Variants in ATP10B observed in about 807,000 individuals in gnomAD.
ATP10B encodes ATPase phospholipid transporting 10B (putative).
In ATP10B, 122 loss-of-function variants were observed where a neutral mutation model predicts 141.2. The ratio of observed to expected loss-of-function variants is 0.86; its 90% CI spans 0.75 to 1.00. The LOEUF is 1.00. Ranked by LOEUF, ATP10B falls within the 50% of genes least tolerant of loss-of-function variation. The probability of loss-of-function intolerance (pLI) is 0.00; values close to 1 mark genes in which losing one functional copy is unlikely to be tolerated. For missense variants in ATP10B, 1,876 were observed against 1,825.3 expected, an observed-to-expected ratio of 1.03 and a Z score of -0.51; for synonymous variants, 685 against 692.0, an observed-to-expected ratio of 0.99 and a Z score of 0.16.
chr5:160,571,638 T>A (rs1754882516), intron 24 of ATP10B, among the ~76,000 whole-genome samples: 1 of 152,210 alleles, frequency 6.6e-6, no homozygotes, highest in South Asian at 2.1e-4. Flanking sequence ...AGGCTTAGAA[T>A]AAAGGTAACT....
At chr5:160,828,158 T>C (rs1200938466) in intron 1 of ATP10B, among the ~76,000 whole-genome samples, 1 of 152,116 alleles carries the variant, frequency 6.6e-6, no homozygotes, top group Non-Finnish European at 1.5e-5. Context: ...GGGCAAGGAC[T>C]TCATGTCTAA....
chr5:160,753,161 C>T (rs1481695068), intron 2 of ATP10B, among the ~76,000 whole-genome samples: 6 of 152,204 alleles, frequency 3.9e-5, no homozygotes, highest in African/African-American at 1.4e-4. Flanking sequence ...AAGGAAAAGT[C>T]AAAGGATGGC....
At chr5:160,662,434 G>T (rs1167323892) in intron 7 of ATP10B, among the ~76,000 whole-genome samples, 2 of 152,172 alleles carry the variant, frequency 1.3e-5, no homozygotes, top group East Asian at 1.9e-4. Context: ...CACGGTACTG[G>T]TACCAAAACA....
At chr5:160,733,958 G>A (rs1394791852) in intron 2 of ATP10B, among the ~76,000 whole-genome samples, 2 of 151,064 alleles carry the variant, frequency 1.3e-5, no homozygotes, top group Non-Finnish European at 3.0e-5. Flanking sequence ...ACAAAAATTA[G>A]ATGGGCACCA....
intron 6 of ATP10B, among the ~76,000 whole-genome samples, chr5:160,681,539 T>C (rs1763400578): frequency 6.6e-6 from 1 of 152,098 alleles, no homozygotes; most frequent in Non-Finnish European, 1.5e-5. Context: ...TCCCACCTAC[T>C]TGGGAGTTTG....
At chr5:160,696,987 A>C (rs1452387663) in intron 3 of ATP10B, among the ~76,000 whole-genome samples, 1 of 152,240 alleles carries the variant, frequency 6.6e-6, no homozygotes. Context: ...TAAGGGGAAT[A>C]GAGTGATTTC....
chr5:160,783,588 CACACACACAT>C lies in ATP10B; in HGVS notation c.-331+1961_-331+1970del, dbSNP rs1412631857. 2.4e-3 allele frequency among the ~76,000 whole-genome samples: 317 copies of C among 131,014 alleles called. 2 individuals are homozygous for C. Among genetic ancestry groups the C allele is most frequent in the Middle Eastern group, 8.1e-3 (2 of 248 alleles). The allele number at this position is 131,014 out of a possible 152,430, so 86.0% of individuals were successfully genotyped here. On this transcript the variant is annotated intron_variant, in intron 2 of 25. Transcript: ENST00000327245. Reference sequence around the variant, plus strand: ...ACACACACACACACACACACACACACACACACACATACACACACACACCACAGTTTCTTCA... The same window carrying C: ...ACACACACACACACACACACACACACACACACACACACCACAGTTTCTTCA...
intron 1 of ATP10B, among the ~76,000 whole-genome samples, chr5:160,825,121 C>G (rs1250540754): frequency 6.6e-6 from 1 of 152,184 alleles, no homozygotes; most frequent in Non-Finnish European, 1.5e-5. Context: ...CTACCCCACT[C>G]TGCTGTGAGC....
chr5:160,900,631 G>C, the ATP10B span, among the ~76,000 whole-genome samples: 1 of 152,156 alleles, frequency 6.6e-6, no homozygotes, highest in Non-Finnish European at 1.5e-5. Context: ...ATTTAATGTA[G>C]AAGTGCATTA....
intron 18 of ATP10B, among the ~76,000 whole-genome samples, chr5:160,611,327 G>T (rs1378231035): frequency 6.6e-6 from 1 of 152,114 alleles, no homozygotes; most frequent in Admixed American, 6.5e-5. Flanking sequence ...CCTCTGGCTG[G>T]CTGCCTCACT....
At chr5:160,806,608 A>C (rs894295823) in intron 1 of ATP10B, among the ~76,000 whole-genome samples, 2 of 152,190 alleles carry the variant, frequency 1.3e-5, no homozygotes, top group African/African-American at 2.4e-5. Context: ...GATAATGATG[A>C]TAGGAACAAC....
At chr5:160,689,818 G>C (rs567226188) in intron 3 of ATP10B, among the ~76,000 whole-genome samples, 2 of 152,186 alleles carry the variant, frequency 1.3e-5, no homozygotes, top group African/African-American at 4.8e-5. Context: ...TACCCATCAA[G>C]CTACCATTGA....
At chr5:160,623,721 C>T (rs1204660740) in intron 13 of ATP10B, among the ~76,000 whole-genome samples, 1 of 152,132 alleles carries the variant, frequency 6.6e-6, no homozygotes, top group African/African-American at 2.4e-5. Flanking sequence ...TATTTTACCC[C>T]AGGGATCTGA....
chr5:160,602,637 A>G lies in ATP10B; in HGVS notation c.3303T>C (p.His1101=). ...CCAGGCGCGAGTAACACCAGTGGCC[A>G]TGCACGAGCAGCAACTTCTTGAGAT... ...FKHLKKLLLV[H]GHWCYSRLAR... The change falls in exon 21 of 26, where the codon CAT becomes CAC. Residue 1101 remains histidine, a synonymous_variant. Transcript: ENST00000327245. 6.2e-7 allele frequency: 1 copy of G among 1,614,082 alleles called. No individual in the cohort carries two copies. The highest frequency in any genetic ancestry group is 8.5e-7 in the Non-Finnish European group (1 of 1,179,956).
At chr5:160,595,994 A>G (rs1351249621) in intron 22 of ATP10B, among the ~76,000 whole-genome samples, 2 of 152,112 alleles carry the variant, frequency 1.3e-5, no homozygotes, top group East Asian at 3.9e-4. Context: ...TCCTTCTGAA[A>G]CTATTCCAAT....
intron 2 of ATP10B, among the ~76,000 whole-genome samples, chr5:160,769,263 T>A (rs4352637): frequency 1.3e-4 from 20 of 152,248 alleles, no homozygotes; most frequent in East Asian, 9.7e-4. Flanking sequence ...AAGACAGCTT[T>A]GTTGCCAATC....
At chr5:160,809,630 A>T (rs909966358) in intron 1 of ATP10B, among the ~76,000 whole-genome samples, 3 of 152,198 alleles carry the variant, frequency 2.0e-5, no homozygotes, top group Non-Finnish European at 2.9e-5. Context: ...TAGAATATTG[A>T]AACTTATTCC....
intron 7 of ATP10B, among the ~76,000 whole-genome samples, chr5:160,658,302 G>C (rs200854198): frequency 6.6e-6 from 1 of 152,176 alleles, no homozygotes; most frequent in African/African-American, 2.4e-5. Context: ...GTGGGACACC[G>C]GTCAGAGTGT....
intron 24 of ATP10B, among the ~76,000 whole-genome samples, chr5:160,578,040 G>A (rs983767931): frequency 5.3e-5 from 8 of 151,674 alleles, no homozygotes; most frequent in African/African-American, 1.7e-4. Context: ...TATTTTTGCT[G>A]GATGAAAAAA....
Sources: gnomAD v4.1 joint callset for allele counts (sites outside exome capture counted in the v4.1 genomes callset) on GRCh38, gnomAD v4.1.1 for gene constraint, MANE v1.5 for transcripts, NCBI Gene and HGNC (gene_info 2026-07-23, HGNC 2026-07-21) for gene names.